PLCL2: variants seen among roughly 807,000 people sequenced by gnomAD.
PLCL2 encodes inactive phospholipase C-like protein 2.
Under a neutral mutation model 79.6 loss-of-function variants are expected in PLCL2, and 4 were observed. That is an observed-to-expected ratio of 0.05 (90% CI 0.02 to 0.11). PLCL2 has a LOEUF of 0.11. Among genes scored for constraint, PLCL2 ranks in the 10% least tolerant of loss-of-function variants. The pLI, the probability that PLCL2 is intolerant of heterozygous loss-of-function variation, is 1.00. For synonymous variants in PLCL2, 484 were observed against 457.7 expected (o/e 1.06, Z -0.73); for missense variants, 895 against 1,291.0 (o/e 0.69, Z 4.70).
chr3:17,085,860 C>G (rs923218493), intron 5 of PLCL2, among the ~76,000 whole-genome samples: 3 of 152,144 alleles, frequency 2.0e-5, no homozygotes, highest in African/African-American at 7.2e-5. Flanking sequence ...AATCTAACAA[C>G]ATATATATGA....
chr3:17,041,137 A>G (rs2064717031), intron 3 of PLCL2, among the ~76,000 whole-genome samples: 1 of 152,240 alleles, frequency 6.6e-6, no homozygotes, highest in South Asian at 2.1e-4. Context: ...TTATATCAGT[A>G]TAATAAAGTT....
intron 5 of PLCL2, among the ~76,000 whole-genome samples, chr3:17,074,025 G>GTTA (rs1303697613): frequency 2.6e-5 from 4 of 152,192 alleles, no homozygotes; most frequent in Non-Finnish European, 5.9e-5. Flanking sequence ...AATCATGAAT[G>GTTA]TTATTAATGG....
intron 3 of PLCL2, among the ~76,000 whole-genome samples, chr3:17,028,483 T>C (rs200335395): frequency 3.0e-5 from 3 of 99,000 alleles, no homozygotes; most frequent in African/African-American, 3.1e-5. Context: ...TTTTTTTTTC[T>C]TTTTTTTTTT....
intron 1 of PLCL2, among the ~76,000 whole-genome samples, chr3:16,967,255 C>G (rs138410499): frequency 6.6e-6 from 1 of 152,136 alleles, no homozygotes; most frequent in Non-Finnish European, 1.5e-5. Context: ...TATGGTAGAA[C>G]AATTTGTATT....
intron 1 of PLCL2, among the ~76,000 whole-genome samples, chr3:16,906,591 T>C (rs1019332265): frequency 1.3e-5 from 2 of 152,218 alleles, no homozygotes; most frequent in Non-Finnish European, 2.9e-5. Context: ...TGAAAAGATT[T>C]ACTCTTCTGA....
rs536231382 is a variant in PLCL2 at position 17,084,931 on chromosome 3, T to C, written c.3205-4802T>C. Among the ~76,000 whole-genome samples the C allele has an allele frequency of 1.2e-4, 18 of 152,002 alleles. No individual in the cohort carries two copies. The South Asian group carries it at 3.5e-3, about 30-fold the overall frequency. ...GACCTGGAAGTCCAGTCCTAGCTAA[T>C]GAAGAAAGACAAGAAAATAAAATAA... On this transcript the variant is annotated intron_variant, in intron 5 of 5. Coordinates refer to ENST00000615277, the MANE Select transcript of PLCL2 (RefSeq NM_001144382.2).
At chr3:16,958,473 A>G (rs1178816738) in intron 1 of PLCL2, among the ~76,000 whole-genome samples, 1 of 152,224 alleles carries the variant, frequency 6.6e-6, no homozygotes, top group African/African-American at 2.4e-5. Context: ...AAAAAGTGCA[A>G]GCAAAAAAAT....
At chr3:16,964,130 G>A (rs996959450) in intron 1 of PLCL2, among the ~76,000 whole-genome samples, 4 of 151,626 alleles carry the variant, frequency 2.6e-5, no homozygotes, top group Non-Finnish European at 5.9e-5. Flanking sequence ...CCATTAACTC[G>A]TCATTTACAT....
intron 5 of PLCL2, among the ~76,000 whole-genome samples, chr3:17,071,656 C>T (rs968668984): frequency 2.6e-5 from 4 of 151,878 alleles, no homozygotes; most frequent in East Asian, 1.9e-4. Flanking sequence ...TTCACACTTT[C>T]GGTATGTTTG....
At chr3:16,946,053 C>T (rs2063598258) in intron 1 of PLCL2, among the ~76,000 whole-genome samples, 1 of 152,132 alleles carries the variant, frequency 6.6e-6, no homozygotes, top group Non-Finnish European at 1.5e-5. Context: ...CATTAATCAC[C>T]AGAGAAACAG....
In PLCL2 at chr3:17,090,455, T is replaced by A; in HGVS notation, c.*543T>A. The A allele has an allele frequency of 6.2e-6, 1 of 160,330 alleles. No individual in the cohort carries two copies. The highest frequency in any genetic ancestry group is 1.3e-5 in the Non-Finnish European group (1 of 75,052). 9.9% of individuals were successfully genotyped at this position (160,330 alleles called of 1,614,324 possible). A position where few individuals can be genotyped will look rare whatever the true frequency, so the allele number is the denominator to read the frequency against. On this transcript the variant is annotated 3_prime_UTR_variant, in exon 6 of 6. Transcript: ENST00000615277. The stretch of plus-strand genomic sequence containing the variant: ...CATCGAGGAGAATGTGCAATTGGAC[T>A]GAAGCTCCCTGGCTGAAGATACATG...
intron 3 of PLCL2, among the ~76,000 whole-genome samples, chr3:17,019,139 C>G (rs534381220): frequency 1.3e-4 from 20 of 152,236 alleles, no homozygotes; most frequent in Admixed American, 3.3e-4. Context: ...TGAACTAGAC[C>G]TGTAAGAATG....
At chr3:17,063,887 T>G (rs1264012535) in intron 4 of PLCL2, among the ~76,000 whole-genome samples, 1 of 152,192 alleles carries the variant, frequency 6.6e-6, no homozygotes, top group Non-Finnish European at 1.5e-5. Flanking sequence ...CAAAACCAAC[T>G]TGACTTCTTG....
chr3:16,945,974 C>T (rs542309081), intron 1 of PLCL2, among the ~76,000 whole-genome samples: 4 of 152,324 alleles, frequency 2.6e-5, no homozygotes, highest in Non-Finnish European at 5.9e-5. Flanking sequence ...TCCACCATCA[C>T]ATCGGATCCC....
At chr3:17,059,729 G>T (rs1195332054) in intron 4 of PLCL2, among the ~76,000 whole-genome samples, 2 of 152,120 alleles carry the variant, frequency 1.3e-5, no homozygotes, top group Non-Finnish European at 2.9e-5. Flanking sequence ...AACAGTGGTT[G>T]CCTGAGAAGG....
chr3:16,889,345 C>A (rs1696295128), intron 1 of PLCL2, among the ~76,000 whole-genome samples: 1 of 152,184 alleles, frequency 6.6e-6, no homozygotes, highest in Admixed American at 6.5e-5. Context: ...GTTAAGGCAG[C>A]ATCAGTGGTT....
Position 16,907,946 on chromosome 3 carries a change from A to G in PLCL2, c.327+22580A>G, listed in dbSNP as rs1270794487. Among the ~76,000 whole-genome samples the G allele has an allele frequency of 5.9e-5, 9 of 152,030 alleles. No individual in the cohort carries two copies. In the East Asian group the frequency reaches 1.3e-3, roughly 23 times the overall value. On this transcript the variant is annotated intron_variant, in intron 1 of 5. Transcript: ENST00000615277. ...TTAAATGAATCTTTAATTTTTTTTTATTCCAATGATATGTATTCATGTCAA... is the reference window on the plus strand; with the variant it reads ...TTAAATGAATCTTTAATTTTTTTTTGTTCCAATGATATGTATTCATGTCAA...
chr3:17,084,314 A>G (rs563431127), intron 5 of PLCL2, among the ~76,000 whole-genome samples: 20 of 152,340 alleles, frequency 1.3e-4, no homozygotes, highest in African/African-American at 4.6e-4. Context: ...CAAAACAAAA[A>G]GCACCAGCAC....
intron 1 of PLCL2, among the ~76,000 whole-genome samples, chr3:16,952,491 A>G (rs1276815174): frequency 6.6e-6 from 1 of 151,796 alleles, no homozygotes; most frequent in Non-Finnish European, 1.5e-5. Context: ...ATAGTGAAAA[A>G]TCAGAAGTAA....
Sources: allele counts gnomAD v4.1 joint callset (sites outside exome capture counted in the v4.1 genomes callset), GRCh38; gene constraint gnomAD v4.1.1; transcripts MANE v1.5; gene names NCBI Gene and HGNC (gene_info 2026-07-23, HGNC 2026-07-21).